The following NEDD4L variants were observed in gnomAD, a reference collection of about 807,000 sequenced individuals.
The protein encoded by NEDD4L is E3 ubiquitin-protein ligase NEDD4-like.
Under a neutral mutation model 148.9 loss-of-function variants are expected in NEDD4L, and 54 were observed. The observed-to-expected ratio is 0.36, with a 90% CI of 0.29 to 0.45. The LOEUF (loss-of-function observed/expected upper bound fraction) is 0.45, where lower values mean the gene tolerates loss of function less well. Ranked by LOEUF, NEDD4L falls within the 20% of genes least tolerant of loss-of-function variation. NEDD4L has a pLI of 1.00. For missense variants in NEDD4L, 856 were observed against 1,233.8 expected, an observed-to-expected ratio of 0.69 and a Z score of 4.59; for synonymous variants, 433 against 440.7, an observed-to-expected ratio of 0.98 and a Z score of 0.22.
In NEDD4L at chr18:58,349,547, G is replaced by A; in HGVS notation, c.1586G>A (p.Arg529His). 3.1e-6 allele frequency: 5 copies of A among 1,613,854 alleles called. No homozygotes were observed. Among genetic ancestry groups the A allele is most frequent in the South Asian group, 1.1e-5 (1 of 91,078 alleles). Residue 529 changes from arginine (R) to histidine (H), a missense_variant, in exon 17 of 31, where the codon CGT becomes CAT. This residue lies in a region of NEDD4L where 367 missense variants were observed against 422.7 expected (regional missense o/e 0.87). Transcript: ENST00000400345. ...ACATTTTTCTTGCAGGAAGATCCAC[G>A]TTTGAAATTTCCAGTACATATGCGG... is the stretch of plus-strand genomic sequence containing the variant. The part of the protein sequence containing the change: ...NTKTTTWEDP[R>H]LKFPVHMRSK...
At chr18:58,298,657 T>C (rs1407298993) in intron 5 of NEDD4L, among the ~76,000 whole-genome samples, 1 of 152,346 alleles carries the variant, frequency 6.6e-6, no homozygotes, top group Admixed American at 6.5e-5. Flanking sequence ...GGTGAGTTGA[T>C]GGGCTCCCTT....
intron 5 of NEDD4L, among the ~76,000 whole-genome samples, chr18:58,289,564 T>C (rs150273505): frequency 1.2e-3 from 186 of 152,282 alleles, no homozygotes; most frequent in Non-Finnish European, 2.2e-3. Context: ...AGCATGCCTC[T>C]CGAGGTGTAA....
intron 1 of NEDD4L, among the ~76,000 whole-genome samples, chr18:58,117,299 AT>A (rs1297421979): frequency 6.6e-6 from 1 of 152,190 alleles, no homozygotes; most frequent in Non-Finnish European, 1.5e-5. Context: ...ATCCAGAATA[AT>A]TTATGTTCAA....
At chr18:58,121,138 A>G (rs1039175566) in intron 1 of NEDD4L, among the ~76,000 whole-genome samples, 1 of 152,122 alleles carries the variant, frequency 6.6e-6, no homozygotes, top group African/African-American at 2.4e-5. Flanking sequence ...GTAGAATGAT[A>G]TTAGTAAGAT....
At chr18:58,101,617 T>G (rs1462858882) in intron 1 of NEDD4L, among the ~76,000 whole-genome samples, 1 of 152,194 alleles carries the variant, frequency 6.6e-6, no homozygotes, top group Non-Finnish European at 1.5e-5. Flanking sequence ...GCACATTAGA[T>G]TTTTGCATAC....
chr18:58,136,879 G>A (rs535059455), intron 1 of NEDD4L, among the ~76,000 whole-genome samples: 2 of 152,258 alleles, frequency 1.3e-5, no homozygotes, highest in South Asian at 4.1e-4. Flanking sequence ...GACTGGACAG[G>A]TTTTGCCACT....
In NEDD4L at chr18:58,315,749, T is replaced by C. The variant is rs550384405; in HGVS notation, c.298-233T>C. 2.0e-5 allele frequency among the ~76,000 whole-genome samples: 3 copies of C among 152,280 alleles called. No individual in the cohort carries two copies. In the South Asian group the frequency reaches 6.2e-4, roughly 32 times the overall value. On this transcript the variant is annotated intron_variant, in intron 5 of 30. Transcript: ENST00000400345. Reference sequence around the variant, plus strand: ...CTCCCAGCTTCTACAGAGGCTTCCATAGCATTGTGCTTGGTAGCAGACACC... The same window carrying C: ...CTCCCAGCTTCTACAGAGGCTTCCACAGCATTGTGCTTGGTAGCAGACACC...
At chr18:58,059,099 T>C (rs2082212599) in intron 1 of NEDD4L, among the ~76,000 whole-genome samples, 1 of 152,130 alleles carries the variant, frequency 6.6e-6, no homozygotes, top group Admixed American at 6.6e-5. Context: ...TTCTTCTTTC[T>C]TTTTTTTCCT....
chr18:58,370,250 C>G (rs956454975), intron 22 of NEDD4L, 147 bp from the exon 23 acceptor site: 3 of 630,172 alleles, frequency 4.8e-6, no homozygotes, highest in Admixed American at 2.5e-5. Context: ...ATCTCGCCTC[C>G]TCGCTTGTGC....
At chr18:58,288,759 C>T (rs1193743856) in intron 5 of NEDD4L, among the ~76,000 whole-genome samples, 2 of 151,936 alleles carry the variant, frequency 1.3e-5, no homozygotes, top group African/African-American at 2.4e-5. Context: ...GTTCACTATG[C>T]GACGTTCTTT....
chr18:58,258,463 T>G (rs552390733), intron 5 of NEDD4L, among the ~76,000 whole-genome samples: 2 of 152,124 alleles, frequency 1.3e-5, no homozygotes, highest in African/African-American at 2.4e-5. Flanking sequence ...ACAATTAAAC[T>G]CAAAAAAGTT....
chr18:58,344,685 C>T (rs764210217), intron 16 of NEDD4L, among the ~76,000 whole-genome samples: 2 of 151,944 alleles, frequency 1.3e-5, no homozygotes, highest in Admixed American at 1.3e-4. Flanking sequence ...GAGTAAGAGA[C>T]GGGCAGCTCG....
chr18:58,197,644 G>A (rs2040877115), intron 2 of NEDD4L: 1 of 152,300 alleles, frequency 6.6e-6, no homozygotes, highest in Non-Finnish European at 1.5e-5. Context: ...AGTATGCACA[G>A]GCCGAGCTCC....
intron 1 of NEDD4L, among the ~76,000 whole-genome samples, chr18:58,085,648 A>G (rs2083724180): frequency 1.3e-5 from 2 of 152,216 alleles, no homozygotes; most frequent in South Asian, 4.1e-4. Context: ...AATTAGGTAA[A>G]TGAAAATATA....
intron 5 of NEDD4L, among the ~76,000 whole-genome samples, chr18:58,296,993 A>T (rs1417122788): frequency 1.3e-5 from 2 of 152,178 alleles, no homozygotes; most frequent in African/African-American, 4.8e-5. Flanking sequence ...AGGCTGAGGC[A>T]CGAGAATTGC....
chr18:58,071,815 A>T (rs1032266828), intron 1 of NEDD4L, among the ~76,000 whole-genome samples: 1 of 152,192 alleles, frequency 6.6e-6, no homozygotes, highest in Admixed American at 6.5e-5. Context: ...CAAGAATAGG[A>T]GTTGTGCCGG....
chr18:58,325,050 C>T lies in NEDD4L; in HGVS notation c.568C>T (p.Leu190Phe), dbSNP rs764101138. The T allele has an allele frequency of 5.6e-6, 9 of 1,613,986 alleles. No individual in the cohort carries two copies. The highest frequency in any genetic ancestry group is 7.6e-6 in the Non-Finnish European group (9 of 1,179,870). The part of the protein sequence containing the change: ...NDSASQHQEE[L>F]PPPPLPPGWE... ...CTCGGCTTCTCAGCACCAAGAGGAA[C>T]TTCCTCCTCCTCCTCTGCCTCCCGG... is the stretch of plus-strand genomic sequence containing the variant. The change falls in exon 9 of 31, where the codon CTT becomes TTT. Residue 190 changes from leucine (L) to phenylalanine (F), a missense_variant. By Grantham distance (22) the Leu-to-Phe change is conservative (BLOSUM62 0). This residue lies in a region of NEDD4L where 193 missense variants were observed against 244.2 expected (regional missense o/e 0.79). Transcript: ENST00000400345.
At chr18:58,334,935 A>G (rs1229878275) in intron 12 of NEDD4L, among the ~76,000 whole-genome samples, 1 of 152,210 alleles carries the variant, frequency 6.6e-6, no homozygotes, top group Non-Finnish European at 1.5e-5. Flanking sequence ...TCCCAAAAAC[A>G]AAATAATCAA....
intron 1 of NEDD4L, among the ~76,000 whole-genome samples, chr18:58,057,181 C>T (rs1192149510): frequency 6.6e-6 from 1 of 152,002 alleles, no homozygotes; most frequent in Non-Finnish European, 1.5e-5. Flanking sequence ...CTCCCTTTCT[C>T]CAGGGAGGTG....
Sources: gnomAD v4.1 joint callset for allele counts (sites outside exome capture counted in the v4.1 genomes callset) on GRCh38, gnomAD v4.1.1 for gene constraint, gnomAD v4.1.1 regional missense constraint, MANE v1.5 for transcripts, NCBI Gene and HGNC (gene_info 2026-07-23, HGNC 2026-07-21) for gene names.